Variants in NHSL1 observed in about 807,000 individuals in gnomAD.
NHSL1 encodes NHS-like protein 1.
A neutral mutation model predicts 95.0 loss-of-function variants in NHSL1; 48 were observed. The observed-to-expected ratio is 0.51, with a 90% CI of 0.40 to 0.64. The LOEUF is 0.64. NHSL1 is among the 30% of genes least tolerant of loss of function. The pLI, the probability that NHSL1 is intolerant of heterozygous loss-of-function variation, is 0.00. For synonymous variants in NHSL1, 783 were observed against 833.9 expected (o/e 0.94, Z 1.05); for missense variants, 1,971 against 2,077.7 (o/e 0.95, Z 1.00).
At position 138,431,114 on chromosome 6, in the gene NHSL1, C is replaced by A; in HGVS notation, c.3231G>T (p.Gln1077His). The change falls in exon 6 of 8, where the codon CAG (glutamine) becomes CAT (histidine). Residue 1077 changes from glutamine (Q) to histidine (H), a missense_variant. Gln to His is a conservative substitution (Grantham distance 24). Coordinates refer to ENST00000343505, the MANE Select transcript of NHSL1 (RefSeq NM_001144060.2). The surrounding 1 kb of genome is among the most constrained non-coding windows in gnomAD (Gnocchi z 4.0). ...LITTEALQMV[Q>H]LRPVRKNSGA... The stretch of plus-strand genomic sequence containing the variant: ...CTGAGTTCTTTCTCACGGGCCTCAA[C>A]TGCACCATCTGCAATGCTTCCGTGG... The A allele has an allele frequency of 6.4e-7, 1 of 1,551,828 alleles. No homozygotes were observed. The highest frequency in any genetic ancestry group is 1.4e-5 in the African/African-American group (1 of 73,176).
intron 3 of NHSL1, among the ~76,000 whole-genome samples, chr6:138,449,129 T>C (rs1777064529): frequency 1.3e-5 from 2 of 151,982 alleles, no homozygotes. Flanking sequence ...TTCATCTTGC[T>C]GCAAAAATCT....
At chr6:138,687,845 GA>G (rs1785605842) in intron 1 of NHSL1, among the ~76,000 whole-genome samples, 1 of 147,718 alleles carries the variant, frequency 6.8e-6, no homozygotes, top group Admixed American at 6.7e-5. Flanking sequence ...AGGAAATGGG[GA>G]ATAACTAGTT....
intron 1 of NHSL1, among the ~76,000 whole-genome samples, chr6:138,685,890 G>T (rs1353776753): frequency 1.3e-5 from 2 of 152,050 alleles, no homozygotes; most frequent in Admixed American, 1.3e-4. Context: ...ATCAACATGG[G>T]CAAACAAATT....
chr6:138,685,073 T>G (rs184775867), intron 1 of NHSL1, among the ~76,000 whole-genome samples: 1 of 152,320 alleles, frequency 6.6e-6, no homozygotes, highest in Non-Finnish European at 1.5e-5. Context: ...TTCTGAATTT[T>G]CTCCCCAAAA....
At chr6:138,504,225 A>C (rs1232116912), upstream of NHSL1, among the ~76,000 whole-genome samples, 1 of 152,108 alleles carries the variant, frequency 6.6e-6, no homozygotes, top group Non-Finnish European at 1.5e-5. Context: ...ACAGAATGAG[A>C]CCTTGTCTCT....
intron 1 of NHSL1, among the ~76,000 whole-genome samples, chr6:138,678,243 T>C (rs534074563): frequency 2.6e-5 from 4 of 152,338 alleles, no homozygotes; most frequent in African/African-American, 7.2e-5. Flanking sequence ...ATTTCATTTG[T>C]TCCTATATCA....
chr6:138,438,590 T>C (rs1331235080), intron 5 of NHSL1, among the ~76,000 whole-genome samples: 3 of 152,206 alleles, frequency 2.0e-5, no homozygotes, highest in Non-Finnish European at 2.9e-5. Context: ...TAGGTGCTGC[T>C]CAAACTTGAT....
intron 5 of NHSL1, among the ~76,000 whole-genome samples, chr6:138,440,154 G>A (rs184478539): frequency 1.3e-5 from 2 of 152,158 alleles, no homozygotes; most frequent in African/African-American, 4.8e-5. Context: ...GTCACTCCTT[G>A]AAGTCACATC....
chr6:138,523,517 C>T (rs1206386409), intron 1 of NHSL1, among the ~76,000 whole-genome samples: 1 of 150,928 alleles, frequency 6.6e-6, no homozygotes, highest in Non-Finnish European at 1.5e-5. Flanking sequence ...CTACGTTGCC[C>T]AGGCTGGTCT....
At chr6:138,510,463 T>C (rs950545830) in intron 1 of NHSL1, among the ~76,000 whole-genome samples, 2 of 152,350 alleles carry the variant, frequency 1.3e-5, no homozygotes, top group Non-Finnish European at 2.9e-5. Flanking sequence ...GTGTTGGATC[T>C]TTTCAAAACA....
In NHSL1 at chr6:138,431,924, G is replaced by A; in HGVS notation, c.2421C>T (p.Pro807=). 6.4e-7 allele frequency: 1 copy of A among 1,551,730 alleles called. No homozygotes were observed. ...AGGCSTSSGV[P]TGNGPVRHVQ... is the part of the protein sequence containing the mutation. ...CATGGCGGACTGGCCCGTTCCCAGT[G>A]GGCACCCCACTGCTGGTTGAACAGC... The change falls in exon 6 of 8, where the codon CCC becomes CCT. Residue 807 remains proline (P), a synonymous_variant. Transcript: ENST00000343505. The surrounding 1 kb of genome is among the most constrained non-coding windows in gnomAD (Gnocchi z 4.0).
In NHSL1 at chr6:138,644,813, T is replaced by TA. The variant is rs1784996260; in HGVS notation, c.96+47662dup. ...CACGGGTACATATTTTAAATGTATC[T>TA]ACTAACTTAAAATGTTTGTTCTAGA... On this transcript the variant is annotated intron_variant, in intron 1 of 3. Transcript: ENST00000491526. Among the ~76,000 whole-genome samples the TA allele has an allele frequency of 2.6e-5, 4 of 152,256 alleles. No individual in the cohort carries two copies. The South Asian group carries it at 8.3e-4, about 31-fold the overall frequency.
Position 138,508,252 on chromosome 6 carries a change from T to C in NHSL1, c.17-11881A>G, listed in dbSNP as rs542612491. 1.4e-4 allele frequency among the ~76,000 whole-genome samples: 21 copies of C among 152,312 alleles called. No homozygotes were observed. In the South Asian group the frequency reaches 4.4e-3, roughly 32 times the overall value. Reference sequence around the variant, plus strand: ...ACAGCATTCAAAGTTCAACCACGCCTGCAGGAATGGAAGGCTGCAAAGTCG... The same window carrying C: ...ACAGCATTCAAAGTTCAACCACGCCCGCAGGAATGGAAGGCTGCAAAGTCG... On this transcript the variant is annotated intron_variant, in intron 1 of 4. Coordinates refer to the NHSL1 transcript ENST00000342260.
At chr6:138,595,541 T>C (rs1583440134) in intron 1 of NHSL1, among the ~76,000 whole-genome samples, 2 of 152,348 alleles carry the variant, frequency 1.3e-5, no homozygotes, top group South Asian at 4.1e-4. Flanking sequence ...CCTGTCACTG[T>C]GCTCTAGCCT....
Position 138,473,301 on chromosome 6 carries a change from C to T in NHSL1, c.339+5G>A, listed in dbSNP as rs917469906. The T allele has an allele frequency of 1.3e-6, 2 of 1,536,976 alleles. No homozygotes were observed. Among genetic ancestry groups the T allele is most frequent in the Non-Finnish European group, 1.8e-6 (2 of 1,141,662 alleles). ...CAGGACCCCGTGTTGAACTTTGAAG[C>T]TTACCTTTTGATCTGTTTCTTCATC... On this transcript the variant is annotated splice_donor_5th_base_variant and intron_variant, in intron 3 of 7. Coordinates refer to ENST00000343505, the MANE Select transcript of NHSL1 (RefSeq NM_001144060.2).
chr6:138,571,975 G>C, exon 1 of NHSL1: 1 of 1,358,450 alleles, frequency 7.4e-7, no homozygotes, highest in Non-Finnish European at 1.0e-6. Flanking sequence ...GGTTTTTTGC[G>C]TTGGCCCAGG....
At position 138,431,966 on chromosome 6, in the gene NHSL1, C is replaced by T. The variant is rs933622672; in HGVS notation, c.2379G>A (p.Pro793=). The T allele has an allele frequency of 6.4e-6, 10 of 1,551,756 alleles. No homozygotes were observed. Among genetic ancestry groups the T allele is most frequent in the Admixed American group, 2.0e-5 (1 of 51,012 alleles). The part of the protein sequence containing the change: ...YIDYTGMQED[P]GNPAGGCSTS... ...TTGAACAGCCCCCTGCCGGGTTCCC[C>T]GGATCTTCCTGCATGCCCGTGTAGT... The change falls in exon 6 of 8, where the codon CCG becomes CCA. Residue 793 remains proline, a synonymous_variant. Coordinates refer to ENST00000343505, the MANE Select transcript of NHSL1 (RefSeq NM_001144060.2). This position sits in a 1 kb window ranked among gnomAD's most constrained non-coding sequence, Gnocchi z 4.0.
intron 1 of NHSL1, among the ~76,000 whole-genome samples, chr6:138,603,753 T>C (rs1486723157): frequency 6.6e-6 from 1 of 152,212 alleles, no homozygotes; most frequent in Non-Finnish European, 1.5e-5. Context: ...GTACACTAAA[T>C]GCTACCAAGG....
In NHSL1 at chr6:138,498,999, T is replaced by C. The variant is rs554232886; in HGVS notation, c.58+234A>G. Among the ~76,000 whole-genome samples, 111 of 152,258 alleles carry C rather than the reference T, an allele frequency of 7.3e-4. 2 individuals are homozygous for C. The South Asian group carries it at 0.022, about 30-fold the overall frequency. ...AATAAGACATGCTAAGATCACATAATACTGTCCTAGAGTTACAAAAGTCTG... is the reference window on the plus strand; with the variant it reads ...AATAAGACATGCTAAGATCACATAACACTGTCCTAGAGTTACAAAAGTCTG... On this transcript the variant is annotated intron_variant, in intron 1 of 7. Coordinates refer to ENST00000343505, the MANE Select transcript of NHSL1 (RefSeq NM_001144060.2).
Sources: allele counts gnomAD v4.1 joint callset (sites outside exome capture counted in the v4.1 genomes callset), GRCh38; gene constraint gnomAD v4.1.1; non-coding constraint Gnocchi (gnomAD v3.1); transcripts MANE v1.5; gene names NCBI Gene and HGNC (gene_info 2026-07-23, HGNC 2026-07-21).